The following RILPL1 variants were observed in gnomAD, a reference collection of about 807,000 sequenced individuals.
The protein encoded by RILPL1 is RILP-like protein 1.
In RILPL1, 33 loss-of-function variants were observed where a neutral mutation model predicts 50.3. That is an observed-to-expected ratio of 0.66 (90% CI 0.50 to 0.88). RILPL1 has a LOEUF of 0.88. RILPL1 is among the 40% of genes least tolerant of loss of function. The pLI is 0.00. For missense variants in RILPL1, 418 were observed against 542.5 expected (o/e 0.77, Z 2.28); for synonymous variants, 205 against 228.6 (o/e 0.90, Z 0.93).
rs563472872 is a variant in RILPL1, at chr12:123,499,176, G to A, written c.579+242C>T. The stretch of plus-strand genomic sequence containing the variant: ...TCAGAGCAAAGTCTGCCCAGGCCTC[G>A]GGACCTTCCCAGGAGGCGGGAGGAG... On this transcript the variant is annotated intron_variant, in intron 3 of 6. Transcript: ENST00000376874. Among the ~76,000 whole-genome samples, 5 of 152,236 alleles carry A rather than the reference G, an allele frequency of 3.3e-5. No individual in the cohort carries two copies. In the South Asian group the frequency reaches 6.2e-4, roughly 19 times the overall value.
chr12:123,527,778 A>C (rs949455669), intron 1 of RILPL1, among the ~76,000 whole-genome samples: 42 of 152,272 alleles, frequency 2.8e-4, no homozygotes, highest in African/African-American at 3.4e-4. Context: ...CGTTAGAGGA[A>C]TATGAGGGAG....
At chr12:123,505,669 C>G (rs1883704889) in intron 2 of RILPL1, among the ~76,000 whole-genome samples, 3 of 152,064 alleles carry the variant, frequency 2.0e-5, no homozygotes, top group Admixed American at 2.0e-4. Context: ...GTCACCTAGG[C>G]TAGAGGGCAG....
intron 4 of RILPL1, among the ~76,000 whole-genome samples, chr12:123,490,793 C>T (rs1882642734): frequency 6.7e-6 from 1 of 149,418 alleles, no homozygotes; most frequent in Non-Finnish European, 1.5e-5. Flanking sequence ...TCTTGTTGCC[C>T]AGGCTAGAGT....
chr12:123,502,055 G>A (rs1168236291), intron 2 of RILPL1, among the ~76,000 whole-genome samples: 1 of 148,350 alleles, frequency 6.7e-6, no homozygotes, highest in Non-Finnish European at 1.5e-5. Context: ...ACTCCAGCCT[G>A]GGCAACAAGA....
intron 6 of RILPL1, among the ~76,000 whole-genome samples, chr12:123,481,262 CAGGAG>C (rs570170062): frequency 2.0e-5 from 3 of 151,282 alleles, no homozygotes; most frequent in African/African-American, 7.3e-5. Flanking sequence ...GAGGCTGAGA[CAGGAG>C]AGAACTGCTT....
At chr12:123,496,986 CTTTCTGGCTCTATGGA>C (rs1195191351) in intron 4 of RILPL1, among the ~76,000 whole-genome samples, 3 of 152,254 alleles carry the variant, frequency 2.0e-5, no homozygotes, top group Non-Finnish European at 4.4e-5. Flanking sequence ...CACCAGTCTA[CTTTCTGGCTCTATGGA>C]TTTGCCTGTT....
chr12:123,502,380 C>G (rs537604909), intron 2 of RILPL1, among the ~76,000 whole-genome samples: 2 of 152,334 alleles, frequency 1.3e-5, no homozygotes, highest in East Asian at 3.9e-4. Context: ...GTCGTTTTTC[C>G]AGAGTCTTTT....
At position 123,478,887 on chromosome 12, in the gene RILPL1, C is replaced by T. The variant is rs562528092; in HGVS notation, c.1067+5293G>A. ...GGCTGAAGTCACTCCAGCACTCCCT[C>T]GTGACCTTCCTGGGCAGTGCCAGCC... On this transcript the variant is annotated intron_variant, in intron 6 of 6. Transcript: ENST00000376874. 2.6e-5 allele frequency among the ~76,000 whole-genome samples: 4 copies of T among 152,346 alleles called. No homozygotes were observed. The East Asian group carries it at 5.8e-4, about 22-fold the overall frequency.
intron 2 of RILPL1, among the ~76,000 whole-genome samples, chr12:123,517,104 C>A (rs1450362877): frequency 6.6e-6 from 1 of 152,014 alleles, no homozygotes; most frequent in Non-Finnish European, 1.5e-5. Flanking sequence ...CATTAAACAA[C>A]AAAAGATAAA....
chr12:123,488,319 T>C (rs1882471831), intron 4 of RILPL1, among the ~76,000 whole-genome samples: 1 of 133,166 alleles, frequency 7.5e-6, no homozygotes, highest in South Asian at 2.3e-4. Context: ...CTTGCCCCTG[T>C]AGTCCCAGTT....
At chr12:123,477,952 T>G (rs1313418275) in intron 6 of RILPL1, among the ~76,000 whole-genome samples, 1 of 146,566 alleles carries the variant, frequency 6.8e-6, no homozygotes, top group African/African-American at 2.5e-5. Context: ...CTGGGACACC[T>G]GGAGTGTTCT....
intron 4 of RILPL1, among the ~76,000 whole-genome samples, chr12:123,493,679 C>T (rs1047508055): frequency 2.0e-5 from 3 of 152,136 alleles, no homozygotes; most frequent in South Asian, 2.1e-4. Context: ...GCACGTTCTC[C>T]GGCCTAGCTC....
chr12:123,483,999 C>T (rs1882161245), intron 6 of RILPL1, among the ~76,000 whole-genome samples, 181 bp downstream of exon 6: 1 of 152,186 alleles, frequency 6.6e-6, no homozygotes, highest in Non-Finnish European at 1.5e-5. Flanking sequence ...CAGAGACCCC[C>T]AGGAGGGACT....
chr12:123,516,381 C>T (rs559392009), intron 2 of RILPL1, among the ~76,000 whole-genome samples: 32 of 152,370 alleles, frequency 2.1e-4, no homozygotes, highest in African/African-American at 7.7e-4. Flanking sequence ...ACTTACATTC[C>T]AGACTCCCCA....
intron 1 of RILPL1, among the ~76,000 whole-genome samples, chr12:123,532,154 C>T (rs556678371): frequency 2.1e-4 from 32 of 152,318 alleles, no homozygotes; most frequent in African/African-American, 7.7e-4. Context: ...ATCTGTATTT[C>T]CTGAGGCTGA....
chr12:123,526,317 T>TAAAAATAAAATAA (rs58426654), intron 1 of RILPL1, among the ~76,000 whole-genome samples: 110,572 of 151,430 alleles, frequency 0.73, 42,460 homozygotes, highest in East Asian at 0.91. Context: ...AAAAATAAAA[T>TAAAAATAAAATAA]TAAAATAAAA....
chr12:123,494,032 G>A (rs929015936), intron 4 of RILPL1, among the ~76,000 whole-genome samples: 1 of 151,930 alleles, frequency 6.6e-6, no homozygotes, highest in African/African-American at 2.4e-5. Flanking sequence ...TGATCCACCC[G>A]CCTTGGCCTC....
rs749657516 is a variant in RILPL1 at position 123,516,033 on chromosome 12, C to CAAAAAAAAAAAAA, written c.460+7449_460+7461dup. ...TGGGCCACAGAGCGAGACTCTGTCT[C>CAAAAAAAAAAAAA]AAAAAAAAAAAAAAAAAAAAAAAAA... On this transcript the variant is annotated intron_variant, in intron 2 of 6. Transcript: ENST00000376874. 5.1e-3 allele frequency among the ~76,000 whole-genome samples: 184 copies of CAAAAAAAAAAAAA among 36,194 alleles called. 21 individuals carry two copies. The highest frequency in any genetic ancestry group is 8.1e-3 in the African/African-American group (87 of 10,798). 23.7% of individuals were successfully genotyped at this position (36,194 alleles called of 152,430 possible).
At chr12:123,530,030 G>A (rs545191513) in intron 1 of RILPL1, among the ~76,000 whole-genome samples, 2 of 152,090 alleles carry the variant, frequency 1.3e-5, no homozygotes, top group African/African-American at 4.8e-5. Context: ...AGACACACCA[G>A]ATTTCAAAGA....
Sources: gnomAD v4.1 joint callset for allele counts (sites outside exome capture counted in the v4.1 genomes callset) on GRCh38, gnomAD v4.1.1 for gene constraint, MANE v1.5 for transcripts, NCBI Gene and HGNC (gene_info 2026-07-23, HGNC 2026-07-21) for gene names.